SNX14: variants seen among roughly 807,000 people sequenced by gnomAD.
The protein encoded by SNX14 is sorting nexin 14, also known as sorting nexin-14.
In SNX14, 93 loss-of-function variants were observed where a neutral mutation model predicts 133.8. The observed-to-expected ratio is 0.70, with a 90% CI of 0.59 to 0.83. The LOEUF (loss-of-function observed/expected upper bound fraction) is 0.83. SNX14 is among the 40% of genes least tolerant of loss of function. The pLI is 0.00. For missense variants in SNX14, 945 were observed against 1,094.9 expected (o/e 0.86, Z 1.93); for synonymous variants, 368 against 365.6 (o/e 1.01, Z -0.07).
chr6:85,585,647 A>C (rs1440726629), intron 1 of SNX14, among the ~76,000 whole-genome samples: 5 of 152,072 alleles, frequency 3.3e-5, no homozygotes, highest in Admixed American at 3.3e-4. Context: ...AAATTGATAA[A>C]GAGTAAGCAT....
intron 21 of SNX14, among the ~76,000 whole-genome samples, chr6:85,525,401 A>G (rs146488425): frequency 0.013 from 1,996 of 152,290 alleles, 44 homozygotes; most frequent in African/African-American, 0.045. Flanking sequence ...TTTTTCTGTT[A>G]CTAATGAAAA....
chr6:85,514,013 T>C, intron 25 of SNX14, 57 bp downstream of exon 25: 1 of 1,568,140 alleles, frequency 6.4e-7, no homozygotes, highest in Non-Finnish European at 8.6e-7. Flanking sequence ...CTCTTTAGAT[T>C]CAATTAAAAT....
chr6:85,506,906 C>T (rs1770903930), intron 28 of SNX14, among the ~76,000 whole-genome samples: 1 of 152,120 alleles, frequency 6.6e-6, no homozygotes, highest in Non-Finnish European at 1.5e-5. Context: ...ACACAGCATA[C>T]AATGGTGCAG....
intron 25 of SNX14, 79 bp downstream of exon 25, chr6:85,513,991 C>G: frequency 3.8e-6 from 6 of 1,559,450 alleles, no homozygotes; most frequent in Non-Finnish European, 5.2e-6. Context: ...CAAAGCAAAA[C>G]AAGATTTCTT....
At chr6:85,555,840 T>C (rs1428583467) in intron 7 of SNX14, among the ~76,000 whole-genome samples, 5 of 151,750 alleles carry the variant, frequency 3.3e-5, no homozygotes. Flanking sequence ...AAATACAAAA[T>C]AGCCAAGCGT....
intron 26 of SNX14, among the ~76,000 whole-genome samples, chr6:85,509,350 TTCA>T (rs1771941328): frequency 6.6e-6 from 1 of 152,176 alleles, no homozygotes; most frequent in South Asian, 2.1e-4. Context: ...AAAAAATTAT[TTCA>T]TCATTTGCCT....
chr6:85,575,495 T>C (rs1264614098), intron 1 of SNX14, among the ~76,000 whole-genome samples: 2 of 152,058 alleles, frequency 1.3e-5, no homozygotes, highest in Non-Finnish European at 2.9e-5. Flanking sequence ...AACCATGGAG[T>C]TGTGTTACCT....
chr6:85,576,358 A>C (rs1583063398), intron 1 of SNX14, among the ~76,000 whole-genome samples: 1 of 152,166 alleles, frequency 6.6e-6, no homozygotes, highest in South Asian at 2.1e-4. Context: ...TCCCTCACTC[A>C]AGACTGGATT....
intron 17 of SNX14, among the ~76,000 whole-genome samples, chr6:85,534,315 G>A (rs1205721681): frequency 6.6e-6 from 1 of 152,170 alleles, no homozygotes; most frequent in African/African-American, 2.4e-5. Context: ...TCCATCTTAG[G>A]ATCACAAACC....
At chr6:85,529,264 C>A (rs1214515113) in intron 19 of SNX14, among the ~76,000 whole-genome samples, 1 of 143,826 alleles carries the variant, frequency 7.0e-6, no homozygotes, top group Non-Finnish European at 1.5e-5. Context: ...AAGAGGGAAA[C>A]AAGGAAATGA....
intron 6 of SNX14, among the ~76,000 whole-genome samples, chr6:85,563,099 G>T (rs1349198697): frequency 6.6e-6 from 1 of 151,904 alleles, no homozygotes; most frequent in East Asian, 1.9e-4. Flanking sequence ...AGTGTTCATT[G>T]GCCATTTTGT....
At chr6:85,582,990 TATCCCTG>T (rs1458445937) in intron 1 of SNX14, among the ~76,000 whole-genome samples, 23 of 152,278 alleles carry the variant, frequency 1.5e-4, no homozygotes, top group Middle Eastern at 6.8e-3. Flanking sequence ...TTCAGGCCAA[TATCCCTG>T]ATGAACATCG....
chr6:85,571,240 G>T (rs1235481741), intron 4 of SNX14, among the ~76,000 whole-genome samples: 1 of 151,772 alleles, frequency 6.6e-6, no homozygotes, highest in Admixed American at 6.6e-5. Context: ...CACGCCTGCA[G>T]TCCCAGCTAC....
chr6:85,584,583 G>T (rs1050857000), intron 1 of SNX14, among the ~76,000 whole-genome samples: 2 of 152,146 alleles, frequency 1.3e-5, no homozygotes, highest in Non-Finnish European at 2.9e-5. Flanking sequence ...CAAAAAGTGG[G>T]CGAAGGATAC....
chr6:85,566,995 C>A (rs575401060), intron 5 of SNX14, among the ~76,000 whole-genome samples: 18 of 152,096 alleles, frequency 1.2e-4, no homozygotes, highest in African/African-American at 3.6e-4. Context: ...GAAAAAAAAA[C>A]CATTAATTCT....
At chr6:85,534,840 T>TC (rs1781398212) in intron 17 of SNX14, among the ~76,000 whole-genome samples, 1 of 150,934 alleles carries the variant, frequency 6.6e-6, no homozygotes, top group South Asian at 2.1e-4. Context: ...AGTTTTTTTT[T>TC]TTTTTTTTAA....
chr6:85,593,703 G>A lies in SNX14; in HGVS notation c.16C>T (p.Arg6Trp). 2.5e-6 allele frequency: 4 copies of A among 1,613,566 alleles called. No homozygotes were observed. The highest frequency in any genetic ancestry group is 2.2e-5 in the South Asian group (2 of 91,050). The change falls in exon 1 of 29, where the codon CGG becomes TGG. Residue 6 changes from arginine (R) to tryptophan (W), a missense_variant. Transcript: ENST00000314673. MVPWV[R>W]TMGQKLKQRL... ...TGCTTCAGCTTCTGCCCCATCGTCC[G>A]CACCCAGGGCACCATCTCCGTAACG...
chr6:85,586,070 T>C (rs900549542), intron 1 of SNX14, among the ~76,000 whole-genome samples: 1 of 150,568 alleles, frequency 6.6e-6, no homozygotes, highest in Non-Finnish European at 1.5e-5. Context: ...ATGTGAGGAT[T>C]AAAATACAAG....
At chr6:85,554,987 A>AT (rs1256668251) in intron 7 of SNX14, among the ~76,000 whole-genome samples, 1 of 151,694 alleles carries the variant, frequency 6.6e-6, no homozygotes, top group Non-Finnish European at 1.5e-5. Flanking sequence ...CACTCGGCTA[A>AT]TTTTTTTATT....
Sources: allele counts gnomAD v4.1 joint callset (sites outside exome capture counted in the v4.1 genomes callset), GRCh38; gene constraint gnomAD v4.1.1; transcripts MANE v1.5; gene names NCBI Gene and HGNC (gene_info 2026-07-23, HGNC 2026-07-21).